The following RTN4IP1 variants were observed in gnomAD, a reference collection of about 807,000 sequenced individuals.
The protein encoded by RTN4IP1 is reticulon 4 interacting protein 1.
RTN4IP1 carries 32 observed loss-of-function variants against 46.6 expected under a neutral mutation model. The observed-to-expected ratio is 0.69, with a 90% CI of 0.52 to 0.92. The LOEUF (loss-of-function observed/expected upper bound fraction) is 0.92, where lower values mean the gene tolerates loss of function less well. Ranked by LOEUF, RTN4IP1 falls within the 40% of genes least tolerant of loss-of-function variation. The probability of loss-of-function intolerance (pLI) is 0.00; values close to 1 mark genes in which losing one functional copy is unlikely to be tolerated. For synonymous variants in RTN4IP1, 167 were observed against 161.8 expected (o/e 1.03, Z -0.24); for missense variants, 424 against 485.8 (o/e 0.87, Z 1.20).
chr6:106,598,829 G>A (rs1022165049), intron 5 of RTN4IP1, among the ~76,000 whole-genome samples: 1 of 151,450 alleles, frequency 6.6e-6, no homozygotes, highest in Non-Finnish European at 1.5e-5. Flanking sequence ...TATGGTTTTA[G>A]GTCTAACGTT....
chr6:106,621,346 G>T (rs1582390861), intron 3 of RTN4IP1, 79 bp downstream of exon 3: 2 of 1,117,120 alleles, frequency 1.8e-6, no homozygotes, highest in Non-Finnish European at 1.4e-6. Flanking sequence ...AACTAGATCT[G>T]AAAAACACCA....
chr6:106,605,449 A>G (rs533966766), intron 4 of RTN4IP1, among the ~76,000 whole-genome samples: 1 of 150,842 alleles, frequency 6.6e-6, no homozygotes, highest in African/African-American at 2.4e-5. Context: ...AGTGCCTAAC[A>G]GCCTCCACAA....
rs1775076396 is a variant in RTN4IP1, at chr6:106,571,993, TATTTA to T, written c.1189_*2del. 2.5e-6 allele frequency: 4 copies of T among 1,608,488 alleles called. No individual in the cohort carries two copies. Among genetic ancestry groups the T allele is most frequent in the Admixed American group, 3.3e-5 (2 of 59,948 alleles). ...GTCAACAATCACTAAACTGCATTTTTATTTAAACAACATTAATTACAGTCTTTCCT... is the reference window on the plus strand; with the variant it reads ...GTCAACAATCACTAAACTGCATTTTTAACAACATTAATTACAGTCTTTCCT... On this transcript the variant is annotated stop_lost and 3_prime_UTR_variant, in exon 9 of 9. Coordinates refer to ENST00000369063, the MANE Select transcript of RTN4IP1 (RefSeq NM_032730.5).
At chr6:106,617,362 T>C (rs1776381329) in intron 4 of RTN4IP1, among the ~76,000 whole-genome samples, 2 of 152,220 alleles carry the variant, frequency 1.3e-5, no homozygotes, top group Admixed American at 6.5e-5. Flanking sequence ...CACTCTAGAT[T>C]GGTTAACATT....
chr6:106,584,919 A>G (rs966031549), intron 7 of RTN4IP1, among the ~76,000 whole-genome samples: 1 of 152,208 alleles, frequency 6.6e-6, no homozygotes. Flanking sequence ...ATTAATAATT[A>G]CCCTAGGACT....
intron 7 of RTN4IP1, among the ~76,000 whole-genome samples, chr6:106,586,382 G>GC (rs1554195118): frequency 1.4e-5 from 2 of 147,936 alleles, no homozygotes; most frequent in East Asian, 3.9e-4. Context: ...AATAGAATTT[G>GC]TTTTTTTTTT....
intron 4 of RTN4IP1, among the ~76,000 whole-genome samples, chr6:106,613,564 A>G (rs1260379670): frequency 6.6e-6 from 1 of 152,206 alleles, no homozygotes; most frequent in Non-Finnish European, 1.5e-5. Context: ...AGGCTTATTC[A>G]CTACACAAGA....
intron 6 of RTN4IP1, among the ~76,000 whole-genome samples, chr6:106,589,976 G>A (rs1775606384): frequency 6.6e-6 from 1 of 152,136 alleles, no homozygotes; most frequent in African/African-American, 2.4e-5. Flanking sequence ...CTAGCCTTCC[G>A]TCTGTCAAGT....
intron 5 of RTN4IP1, among the ~76,000 whole-genome samples, chr6:106,597,052 A>AT (rs1775811852): frequency 6.6e-6 from 1 of 152,034 alleles, no homozygotes. Context: ...AAAGGATCTT[A>AT]TTTCTTTTTT....
At chr6:106,595,579 C>T (rs540626797) in intron 5 of RTN4IP1, among the ~76,000 whole-genome samples, 9 of 151,436 alleles carry the variant, frequency 5.9e-5, no homozygotes, top group Non-Finnish European at 1.3e-4. Flanking sequence ...CCCACTGCAA[C>T]CTCTGCCTCC....
chr6:106,591,754 C>T (rs971860878), intron 6 of RTN4IP1, among the ~76,000 whole-genome samples: 1 of 152,140 alleles, frequency 6.6e-6, no homozygotes, highest in Non-Finnish European at 1.5e-5. Flanking sequence ...TAGACTTACA[C>T]TGTTTCTCTT....
In RTN4IP1 at chr6:106,589,790, A is replaced by G. The variant is rs143552183; in HGVS notation, c.807-1928T>C. Among the ~76,000 whole-genome samples, 3 of 152,352 alleles carry G rather than the reference A, an allele frequency of 2.0e-5. No individual in the cohort carries two copies. The East Asian group carries it at 5.8e-4, about 29-fold the overall frequency. ...AGGTCAAACTCCAGGCAGAAATTACAAAGATCAATTTTAACTAAAGCTATC... is the reference window on the plus strand; with the variant it reads ...AGGTCAAACTCCAGGCAGAAATTACGAAGATCAATTTTAACTAAAGCTATC... On this transcript the variant is annotated intron_variant, in intron 6 of 8. Coordinates refer to ENST00000369063, the MANE Select transcript of RTN4IP1 (RefSeq NM_032730.5).
At position 106,571,958 on chromosome 6, in the gene RTN4IP1, A is replaced by G; in HGVS notation, c.*38T>C. ...AAATTTGGGCTCACAGGCACTCACC[A>G]AATAAGAACGTCAACAATCACTAAA... On this transcript the variant is annotated 3_prime_UTR_variant, in exon 9 of 9. Coordinates refer to ENST00000369063, the MANE Select transcript of RTN4IP1 (RefSeq NM_032730.5). 6.5e-7 allele frequency: 1 copy of G among 1,531,218 alleles called. No individual in the cohort carries two copies. 94.9% of individuals were successfully genotyped at this position (1,531,218 alleles called of 1,614,324 possible).
At chr6:106,600,681 G>C (rs1329416538) in intron 5 of RTN4IP1, among the ~76,000 whole-genome samples, 3 of 151,988 alleles carry the variant, frequency 2.0e-5, no homozygotes, top group South Asian at 4.1e-4. Flanking sequence ...CAATATGTAG[G>C]ACCTTTTGTT....
chr6:106,579,573 C>T (rs1299370104), intron 8 of RTN4IP1, among the ~76,000 whole-genome samples: 3 of 151,942 alleles, frequency 2.0e-5, no homozygotes, highest in African/African-American at 7.3e-5. Context: ...AGGCAGGAAA[C>T]CAAAACATTT....
chr6:106,580,317 G>A (rs1416597975), intron 8 of RTN4IP1, among the ~76,000 whole-genome samples: 1 of 151,892 alleles, frequency 6.6e-6, no homozygotes, highest in East Asian at 1.9e-4. Flanking sequence ...ATGGTTCAGA[G>A]GGTAAGATAA....
upstream of RTN4IP1, chr6:106,629,807 C>T (rs1235282200): frequency 2.1e-5 from 30 of 1,408,746 alleles, no homozygotes; most frequent in Non-Finnish European, 2.8e-5. Context: ...TGGCCCACCT[C>T]GCTGCTTCCT....
At chr6:106,598,533 TG>T (rs1768296403) in intron 5 of RTN4IP1, among the ~76,000 whole-genome samples, 1 of 151,452 alleles carries the variant, frequency 6.6e-6, no homozygotes, top group African/African-American at 2.4e-5. Context: ...GCCCACTTTT[TG>T]ATGGGGTTGT....
At chr6:106,616,934 C>T (rs1429041120) in intron 4 of RTN4IP1, among the ~76,000 whole-genome samples, 2 of 152,116 alleles carry the variant, frequency 1.3e-5, no homozygotes, top group Middle Eastern at 3.2e-3. Flanking sequence ...AAATCCTAAC[C>T]CCCAGGGTGA....
Sources: allele counts gnomAD v4.1 joint callset (sites outside exome capture counted in the v4.1 genomes callset), GRCh38; gene constraint gnomAD v4.1.1; transcripts MANE v1.5; gene names NCBI Gene and HGNC (gene_info 2026-07-23, HGNC 2026-07-21).